The following ARHGEF28 variants were observed in gnomAD, a reference collection of about 807,000 sequenced individuals.
ARHGEF28 encodes the protein Rho guanine nucleotide exchange factor 28, also known as 190 kDa guanine nucleotide exchange factor.
A neutral mutation model predicts 206.6 loss-of-function variants in ARHGEF28; 152 were observed. That is an observed-to-expected ratio of 0.74 (90% CI 0.64 to 0.84). The LOEUF is 0.84. Among genes scored for constraint, ARHGEF28 ranks in the 40% least tolerant of loss-of-function variants. The probability of loss-of-function intolerance (pLI) is 0.00; values close to 1 mark genes in which losing one functional copy is unlikely to be tolerated. For missense variants in ARHGEF28, 2,028 were observed against 2,073.2 expected (o/e 0.98, Z 0.42); for synonymous variants, 763 against 776.4 (o/e 0.98, Z 0.29).
At chr5:73,731,717 C>T (rs1222641902) in intron 2 of ARHGEF28, among the ~76,000 whole-genome samples, 1 of 152,074 alleles carries the variant, frequency 6.6e-6, no homozygotes, top group Non-Finnish European at 1.5e-5. Flanking sequence ...TTTCAAGAGG[C>T]CCAGAGTAGA....
intron 29 of ARHGEF28, among the ~76,000 whole-genome samples, chr5:73,897,050 A>T (rs1435274563): frequency 6.6e-6 from 1 of 152,166 alleles, no homozygotes; most frequent in Non-Finnish European, 1.5e-5. Flanking sequence ...TGCACCTTGA[A>T]TCGTCTTCCT....
rs899874456 is a variant in ARHGEF28 at position 73,931,721 on chromosome 5, G to A, written c.4949-9123G>A. Among the ~76,000 whole-genome samples, 13 of 152,280 alleles carry A rather than the reference G, an allele frequency of 8.5e-5. 1 individual carries two copies. The highest frequency in any genetic ancestry group is 1.8e-4 in the Non-Finnish European group (12 of 68,020). On this transcript the variant is annotated intron_variant, in intron 35 of 35. Transcript: ENST00000513042. Reference sequence around the variant, plus strand: ...TCTCTTAAATAGTTCTTTGAAGATAGTAACTATGGTTTTTGGAAGTTTTCT... The same window carrying A: ...TCTCTTAAATAGTTCTTTGAAGATAATAACTATGGTTTTTGGAAGTTTTCT...
chr5:73,859,692 T>A (rs1759269567), intron 16 of ARHGEF28, among the ~76,000 whole-genome samples: 1 of 152,170 alleles, frequency 6.6e-6, no homozygotes, highest in Non-Finnish European at 1.5e-5. Context: ...AAGTATCGTT[T>A]ATGGGTTGTT....
rs117577347 is a variant in ARHGEF28, at chr5:73,650,008, G to A, written c.-12+23686G>A. 2.2e-4 allele frequency among the ~76,000 whole-genome samples: 34 copies of A among 152,314 alleles called. No homozygotes were observed. The East Asian group carries it at 6.0e-3, about 27-fold the overall frequency. ...TCCTGGTTTCCATAGCTCTGTGTATGTGGGGAGAGGGAGAAGTGTAATCCC... is the reference window on the plus strand; with the variant it reads ...TCCTGGTTTCCATAGCTCTGTGTATATGGGGAGAGGGAGAAGTGTAATCCC... On this transcript the variant is annotated intron_variant, in intron 1 of 35. Transcript: ENST00000513042.
At chr5:73,639,649 A>G (rs1743947297) in intron 1 of ARHGEF28, among the ~76,000 whole-genome samples, 1 of 152,178 alleles carries the variant, frequency 6.6e-6, no homozygotes, top group South Asian at 2.1e-4. Flanking sequence ...GGTTTCTTCT[A>G]CCAGAAGTCT....
At chr5:73,762,074 C>A (rs539759107) in intron 4 of ARHGEF28, among the ~76,000 whole-genome samples, 4 of 151,262 alleles carry the variant, frequency 2.6e-5, no homozygotes, top group African/African-American at 7.3e-5. Flanking sequence ...CTCAAACGAT[C>A]CTCCTACCTC....
At chr5:73,650,289 T>C (rs1580440549) in intron 1 of ARHGEF28, among the ~76,000 whole-genome samples, 1 of 145,788 alleles carries the variant, frequency 6.9e-6, no homozygotes, top group East Asian at 2.0e-4. Context: ...TTTTTTTTTT[T>C]TTTTTTTTTT....
chr5:73,906,078 G>A (rs1451023065), intron 33 of ARHGEF28, among the ~76,000 whole-genome samples: 2 of 152,070 alleles, frequency 1.3e-5, no homozygotes, highest in Admixed American at 1.3e-4. Flanking sequence ...TTTAGACTTC[G>A]ACTCTATCAA....
At chr5:73,734,512 C>T (rs1750800694) in intron 2 of ARHGEF28, among the ~76,000 whole-genome samples, 1 of 152,200 alleles carries the variant, frequency 6.6e-6, no homozygotes, top group Admixed American at 6.5e-5. Flanking sequence ...GAAGATGATC[C>T]TGTGTCCTTG....
chr5:73,711,847 G>C (rs1242576504), intron 2 of ARHGEF28, among the ~76,000 whole-genome samples: 5 of 151,526 alleles, frequency 3.3e-5, no homozygotes, highest in Non-Finnish European at 7.4e-5. Context: ...ATAGAAGTTA[G>C]TGAGAAAGGA....
intron 9 of ARHGEF28, among the ~76,000 whole-genome samples, chr5:73,824,014 G>T (rs887106946): frequency 1.3e-5 from 2 of 152,210 alleles, no homozygotes; most frequent in African/African-American, 2.4e-5. Context: ...TAATTACCCA[G>T]TGTGTAGCAG....
At chr5:73,664,795 T>C (rs1250845896) in intron 1 of ARHGEF28, among the ~76,000 whole-genome samples, 2 of 152,204 alleles carry the variant, frequency 1.3e-5, no homozygotes, top group Non-Finnish European at 2.9e-5. Flanking sequence ...AAAATCTTTC[T>C]TTCCAGCCCA....
At chr5:73,659,707 A>G (rs752462322) in intron 1 of ARHGEF28, among the ~76,000 whole-genome samples, 2 of 152,216 alleles carry the variant, frequency 1.3e-5, no homozygotes, top group Admixed American at 6.5e-5. Flanking sequence ...CATCACCACA[A>G]TAAAGGAAAT....
At chr5:73,698,880 G>A (rs752550673) in intron 2 of ARHGEF28, among the ~76,000 whole-genome samples, 39 of 151,668 alleles carry the variant, frequency 2.6e-4, no homozygotes, top group South Asian at 4.2e-4. Flanking sequence ...GCACTGGTTG[G>A]CACCGGCTGA....
intron 9 of ARHGEF28, among the ~76,000 whole-genome samples, chr5:73,822,815 C>A (rs1353310195): frequency 6.6e-6 from 1 of 152,110 alleles, no homozygotes; most frequent in Non-Finnish European, 1.5e-5. Context: ...TTTGTAGAAA[C>A]AAGGTCTTGC....
intron 2 of ARHGEF28, among the ~76,000 whole-genome samples, chr5:73,735,896 C>A (rs1175228524): frequency 6.6e-6 from 1 of 152,146 alleles, no homozygotes; most frequent in Non-Finnish European, 1.5e-5. Context: ...CCATTCACAG[C>A]ATCCTTTCCA....
chr5:73,682,452 T>G (rs1486021801), intron 1 of ARHGEF28, among the ~76,000 whole-genome samples: 1 of 151,268 alleles, frequency 6.6e-6, no homozygotes, highest in Non-Finnish European at 1.5e-5. Context: ...AGTTTCACTC[T>G]TATTGCCCAG....
intron 35 of ARHGEF28, among the ~76,000 whole-genome samples, chr5:73,931,271 T>G (rs1445305316): frequency 2.0e-5 from 3 of 152,212 alleles, no homozygotes; most frequent in African/African-American, 2.4e-5. Context: ...CTGGATAATT[T>G]TAGAATTGTC....
At position 73,844,035 on chromosome 5, in the gene ARHGEF28, A is replaced by G. The variant is rs368948743; in HGVS notation, c.1428-2233A>G. ...ACCTAATGAATTGATTTCTTATCCC[A>G]CTACTGGGAATTAGAAAAATAATAT... On this transcript the variant is annotated intron_variant, in intron 11 of 35. Transcript: ENST00000513042. 2.7e-3 allele frequency among the ~76,000 whole-genome samples: 408 copies of G among 152,340 alleles called. 6 individuals are homozygous for G. The highest frequency in any genetic ancestry group is 8.5e-3 in the African/African-American group (352 of 41,586).
Sources: gnomAD v4.1 joint callset for allele counts (sites outside exome capture counted in the v4.1 genomes callset) on GRCh38, gnomAD v4.1.1 for gene constraint, MANE v1.5 for transcripts, NCBI Gene and HGNC (gene_info 2026-07-23, HGNC 2026-07-21) for gene names.